Variants in RBFOX1 observed in about 807,000 individuals in gnomAD.
RBFOX1 encodes RNA binding fox-1 homolog 1.
In RBFOX1, 8 loss-of-function variants were observed where a neutral mutation model predicts 57.7. That is an observed-to-expected ratio of 0.14 (90% CI 0.08 to 0.25). The LOEUF (loss-of-function observed/expected upper bound fraction) is 0.25. Among genes scored for constraint, RBFOX1 ranks in the 10% least tolerant of loss-of-function variants. The pLI is 1.00. For synonymous variants in RBFOX1, 326 were observed against 222.4 expected (o/e 1.47, Z -4.15); for missense variants, 611 against 548.5 (o/e 1.11, Z -1.14).
chr16:6,768,257 T>A (rs2077698027), intron 3 of RBFOX1, among the ~76,000 whole-genome samples: 1 of 151,882 alleles, frequency 6.6e-6, no homozygotes, highest in African/African-American at 2.4e-5. Flanking sequence ...CTCCATATAC[T>A]TTTTTTTCCT....
chr16:7,489,257 T>C (rs1473481956), intron 4 of RBFOX1, among the ~76,000 whole-genome samples: 2 of 152,118 alleles, frequency 1.3e-5, no homozygotes, highest in Non-Finnish European at 2.9e-5. Flanking sequence ...GTATTAATGG[T>C]TGAGTAATGT....
intron 1 of RBFOX1, among the ~76,000 whole-genome samples, chr16:6,292,975 TG>T (rs763211558): frequency 6.6e-6 from 1 of 152,208 alleles, no homozygotes; most frequent in Non-Finnish European, 1.5e-5. Context: ...AGGACATTGT[TG>T]TCCCCAGGGT....
intron 3 of RBFOX1, among the ~76,000 whole-genome samples, chr16:6,805,504 A>G (rs1603627057): frequency 1.3e-5 from 2 of 152,186 alleles, no homozygotes; most frequent in South Asian, 4.1e-4. Context: ...TACCTATGTA[A>G]TGAACCTGTA....
intron 1 of RBFOX1, among the ~76,000 whole-genome samples, chr16:6,230,781 A>G (rs1598598942): frequency 6.6e-6 from 1 of 152,232 alleles, no homozygotes; most frequent in African/African-American, 2.4e-5. Context: ...AAGTCCAAGG[A>G]CATTTTTAGA....
At chr16:5,596,375 G>A (rs541684282) in intron 2 of RBFOX1, among the ~76,000 whole-genome samples, 3 of 152,264 alleles carry the variant, frequency 2.0e-5, no homozygotes, top group Non-Finnish European at 2.9e-5. Flanking sequence ...TGGTTGCTAC[G>A]AAGCCAATAC....
chr16:5,391,845 A>C (rs573618832), intron 1 of RBFOX1, among the ~76,000 whole-genome samples: 27 of 151,366 alleles, frequency 1.8e-4, no homozygotes, highest in African/African-American at 6.1e-4. Context: ...CACACCATAT[A>C]TAAAGAAATG....
chr16:7,007,713 C>T (rs546078906), intron 3 of RBFOX1, among the ~76,000 whole-genome samples: 2 of 152,276 alleles, frequency 1.3e-5, no homozygotes, highest in South Asian at 4.1e-4. Context: ...AATTTCTTGA[C>T]TATACAGGGT....
intron 2 of RBFOX1, among the ~76,000 whole-genome samples, chr16:5,495,497 G>A (rs1200431841): frequency 6.6e-6 from 1 of 152,182 alleles, no homozygotes; most frequent in East Asian, 1.9e-4. Context: ...TTCAACATGA[G>A]ATTTTGGTGG....
At chr16:7,511,501 T>G (rs1371349355) in intron 4 of RBFOX1, among the ~76,000 whole-genome samples, 2 of 152,184 alleles carry the variant, frequency 1.3e-5, no homozygotes, top group Non-Finnish European at 2.9e-5. Context: ...GTGGCCCTCT[T>G]ATTGCATGCA....
At chr16:5,998,650 C>G (rs1188982916) in intron 4 of RBFOX1, among the ~76,000 whole-genome samples, 2 of 152,198 alleles carry the variant, frequency 1.3e-5, no homozygotes, top group Admixed American at 1.3e-4. Flanking sequence ...TTTCCAAATC[C>G]TGAGTGCACT....
intron 3 of RBFOX1, among the ~76,000 whole-genome samples, chr16:6,938,334 G>A (rs940074035): frequency 1.3e-5 from 2 of 152,054 alleles, no homozygotes; most frequent in Admixed American, 6.6e-5. Context: ...AATTGAAACC[G>A]AAGCCTATTG....
intron 2 of RBFOX1, among the ~76,000 whole-genome samples, chr16:5,573,124 G>C (rs1053439960): frequency 3.9e-5 from 6 of 152,176 alleles, no homozygotes; most frequent in Admixed American, 2.6e-4. Context: ...AGAATTGGGA[G>C]GTTCTGGTTC....
At chr16:6,753,207 G>A (rs781347834) in intron 3 of RBFOX1, among the ~76,000 whole-genome samples, 1 of 152,162 alleles carries the variant, frequency 6.6e-6, no homozygotes, top group African/African-American at 2.4e-5. Flanking sequence ...TGCAGAGAGG[G>A]ATGGACAGAT....
chr16:6,097,176 T>C lies in RBFOX1; in HGVS notation c.-127+77184T>C, dbSNP rs2096255259. Among the ~76,000 whole-genome samples, 1 of 152,226 alleles carries C rather than the reference T, an allele frequency of 6.6e-6. No homozygotes were observed. The highest frequency in any genetic ancestry group is 6.5e-5 in the Admixed American group (1 of 15,280). On this transcript the variant is annotated intron_variant, in intron 1 of 15. Transcript: ENST00000550418. The surrounding 1 kb of genome is among the most constrained non-coding windows in gnomAD (Gnocchi z 5.0). ...TTCCTGTCTGCTGCCTTGTAAGACGTGACTTTCGCTTTCTGCCATGATTGT... is the reference window on the plus strand; with the variant it reads ...TTCCTGTCTGCTGCCTTGTAAGACGCGACTTTCGCTTTCTGCCATGATTGT...
chr16:6,676,127 GACAC>G (rs750878616), intron 3 of RBFOX1, among the ~76,000 whole-genome samples: 3 of 125,492 alleles, frequency 2.4e-5, no homozygotes, highest in Non-Finnish European at 4.8e-5. Flanking sequence ...CTGCCTAGGG[GACAC>G]ACACACACGC....
At chr16:7,264,263 A>C (rs888615439) in intron 4 of RBFOX1, among the ~76,000 whole-genome samples, 1 of 152,228 alleles carries the variant, frequency 6.6e-6, no homozygotes, top group Non-Finnish European at 1.5e-5. Context: ...GACAGAAGAA[A>C]AAACAAAATT....
intron 1 of RBFOX1, among the ~76,000 whole-genome samples, chr16:5,405,643 G>T (rs576203978): frequency 4.6e-4 from 70 of 152,200 alleles, no homozygotes; most frequent in African/African-American, 1.5e-3. Flanking sequence ...GAATAAATCA[G>T]TGCTCATAGA....
intron 3 of RBFOX1, among the ~76,000 whole-genome samples, chr16:5,621,658 G>A (rs2048205055): frequency 6.6e-6 from 1 of 152,182 alleles, no homozygotes; most frequent in Admixed American, 6.5e-5. Flanking sequence ...ACTGTGTCAT[G>A]GAATGATTTA....
At position 5,434,317 on chromosome 16, in the gene RBFOX1, C is replaced by CTTTTT. The variant is rs5815245; in HGVS notation, c.220-32881_220-32877dup. Reference sequence around the variant, plus strand: ...AGAGGGAGCCATCTCTGCTGAAGTCCTTTTTTTTTTTTTTTTTTTTTTGAG... The same window carrying CTTTTT: ...AGAGGGAGCCATCTCTGCTGAAGTCCTTTTTTTTTTTTTTTTTTTTTTTTTTTGAG... On this transcript the variant is annotated intron_variant, in intron 1 of 2. Coordinates refer to the RBFOX1 transcript ENST00000585867. Among the ~76,000 whole-genome samples the CTTTTT allele has an allele frequency of 3.3e-4, 26 of 79,728 alleles. 5 individuals carry two copies. Among genetic ancestry groups the CTTTTT allele is most frequent in the Admixed American group, 1.1e-3 (6 of 5,366 alleles). The allele number at this position is 79,728 out of a possible 152,430, so 52.3% of individuals were successfully genotyped here.
Sources: allele counts gnomAD v4.1 joint callset (sites outside exome capture counted in the v4.1 genomes callset), GRCh38; gene constraint gnomAD v4.1.1; non-coding constraint Gnocchi (gnomAD v3.1); transcripts MANE v1.5; gene names NCBI Gene and HGNC (gene_info 2026-07-23, HGNC 2026-07-21).